ITSN2: variants seen among roughly 807,000 people sequenced by gnomAD.
ITSN2 encodes intersectin 2.
In ITSN2, 156 loss-of-function variants were observed where a neutral mutation model predicts 243.7. The observed-to-expected ratio is 0.64, with a 90% CI of 0.56 to 0.73. ITSN2 has a LOEUF of 0.73. ITSN2 is among the 30% of genes least tolerant of loss of function. The probability of loss-of-function intolerance (pLI) is 0.00; values close to 1 mark genes in which losing one functional copy is unlikely to be tolerated. For missense variants in ITSN2, 1,801 were observed against 1,996.1 expected (o/e 0.90, Z 1.86); for synonymous variants, 703 against 699.9 (o/e 1.00, Z -0.07).
In ITSN2 at chr2:24,313,451, A is replaced by G. The variant is rs1683511812; in HGVS notation, c.188+9T>C. 1.2e-6 allele frequency: 2 copies of G among 1,608,038 alleles called. No homozygotes were observed. Among genetic ancestry groups the G allele is most frequent in the Middle Eastern group, 1.7e-4 (1 of 5,854 alleles). Reference sequence around the variant, plus strand: ...TCAGAAAATTAGGTTCATCTACAAAACACTTTACCATATTTCAGCTAAAAC... The same window carrying G: ...TCAGAAAATTAGGTTCATCTACAAAGCACTTTACCATATTTCAGCTAAAAC... On this transcript the variant is annotated intron_variant, in intron 4 of 39. Coordinates refer to ENST00000355123, the MANE Select transcript of ITSN2 (RefSeq NM_006277.3).
rs1670412279 is a variant in ITSN2, at chr2:24,221,124, A to G, written c.3578-58T>C. The G allele has an allele frequency of 5.2e-6, 8 of 1,545,078 alleles. No homozygotes were observed. In the Admixed American group the frequency reaches 6.1e-5, roughly 12 times the overall value. On this transcript the variant is annotated intron_variant, in intron 29 of 39. Transcript: ENST00000355123. Reference sequence around the variant, plus strand: ...CTTTAGTCAACTTTGTAGAAAATAGACATTTGTCAGCAGATGTGCTGGGTT... The same window carrying G: ...CTTTAGTCAACTTTGTAGAAAATAGGCATTTGTCAGCAGATGTGCTGGGTT...
At chr2:24,295,207 T>G (rs532814630) in intron 14 of ITSN2, among the ~76,000 whole-genome samples, 6 of 152,362 alleles carry the variant, frequency 3.9e-5, no homozygotes, top group African/African-American at 1.2e-4. Flanking sequence ...GTCTATGGAC[T>G]TCCTGATATT....
At position 24,211,066 on chromosome 2, in the gene ITSN2, C is replaced by T. The variant is rs1465061407; in HGVS notation, c.4090-119G>A. On this transcript the variant is annotated intron_variant, in intron 33 of 39. Transcript: ENST00000355123. The surrounding 1 kb of genome is among the most constrained non-coding windows in gnomAD (Gnocchi z 4.1). ...GGACTGCTTCCATGCCCTGGAAACG[C>T]GGCGGTGAACAAGACGACACTTTCC... 12 of 907,778 alleles carry T rather than the reference C, an allele frequency of 1.3e-5. No homozygotes were observed. Among genetic ancestry groups the T allele is most frequent in the South Asian group, 1.2e-4 (7 of 60,254 alleles). The allele number at this position is 907,778 out of a possible 1,614,324, so 56.2% of individuals were successfully genotyped here.
intron 2 of ITSN2, among the ~76,000 whole-genome samples, chr2:24,316,440 A>C (rs1055268540): frequency 5.3e-5 from 8 of 151,820 alleles, no homozygotes; most frequent in Admixed American, 3.3e-4. Context: ...GCCACCACAC[A>C]CCCGGCTAAT....
chr2:24,310,817 T>C, intron 5 of ITSN2, 125 bp from the exon 6 acceptor site: 1 of 744,410 alleles, frequency 1.3e-6, no homozygotes, highest in Non-Finnish European at 2.2e-6. Context: ...GAATTATCCT[T>C]AAAAAACTCA....
intron 1 of ITSN2, among the ~76,000 whole-genome samples, chr2:24,336,374 T>C (rs1686382845): frequency 6.6e-6 from 1 of 152,210 alleles, no homozygotes; most frequent in African/African-American, 2.4e-5. Context: ...CTACTAGTTT[T>C]TTCTTAAAGC....
intron 9 of ITSN2, 98 bp from the exon 10 acceptor site, chr2:24,302,200 T>TA (rs1168318363): frequency 6.3e-6 from 4 of 638,292 alleles, no homozygotes; most frequent in Admixed American, 8.5e-5. Context: ...TTTATTTATT[T>TA]ATTTATTTAT....
chr2:24,206,830 CGGG>C (rs1380343417), intron 37 of ITSN2, among the ~76,000 whole-genome samples: 1 of 152,008 alleles, frequency 6.6e-6, no homozygotes, highest in Non-Finnish European at 1.5e-5. Context: ...CTCAGGACAG[CGGG>C]GGGTCCAGGT....
intron 25 of ITSN2, among the ~76,000 whole-genome samples, chr2:24,250,657 C>A (rs1001993572): frequency 6.6e-6 from 1 of 152,192 alleles, no homozygotes; most frequent in Non-Finnish European, 1.5e-5. Context: ...AAGAACTGTT[C>A]ACCGATAGGG....
At chr2:24,308,139 GTTT>G (rs1324743391) in intron 8 of ITSN2, among the ~76,000 whole-genome samples, 8 of 152,200 alleles carry the variant, frequency 5.3e-5, no homozygotes, top group Non-Finnish European at 1.0e-4. Context: ...GGACTCAAAT[GTTT>G]TACAGTGAAC....
intron 37 of ITSN2, 75 bp from the exon 38 acceptor site, chr2:24,205,372 C>A (rs372223312): frequency 9.6e-6 from 12 of 1,253,288 alleles, no homozygotes; most frequent in African/African-American, 4.4e-5. Flanking sequence ...CCAACCATAA[C>A]ACTACCGGCT....
intron 15 of ITSN2, among the ~76,000 whole-genome samples, chr2:24,287,188 C>CA (rs1333317377): frequency 6.6e-6 from 1 of 151,180 alleles, no homozygotes; most frequent in African/African-American, 2.4e-5. Flanking sequence ...CATTGCTATG[C>CA]AACTTGTTTT....
At position 24,271,840 on chromosome 2, in the gene ITSN2, AT is replaced by A; in HGVS notation, c.2182del (p.Ile728PhefsTer19). 2 of 1,607,306 alleles carry A rather than the reference AT, an allele frequency of 1.2e-6. No homozygotes were observed. The highest frequency in any genetic ancestry group is 1.7e-5 in the Admixed American group (1 of 59,244). ...RLQEEKTQEK[I>X]QEEERKAEEK... ...CTCAGCTTTCCGTTCCTCTTCTTGA[AT>A]TTTTTCTTGTGTTTTTTCTTCCTGG... On this transcript the variant is annotated frameshift_variant, in exon 19 of 40. Coordinates refer to ENST00000355123, the MANE Select transcript of ITSN2 (RefSeq NM_006277.3). LOFTEE classifies it high-confidence loss of function.
At chr2:24,259,469 C>T (rs1444538390) in intron 22 of ITSN2, among the ~76,000 whole-genome samples, 1 of 152,176 alleles carries the variant, frequency 6.6e-6, no homozygotes, top group Non-Finnish European at 1.5e-5. Context: ...AAAACATACA[C>T]AATAACTCCA....
chr2:24,236,865 T>TA (rs1672223016), intron 29 of ITSN2, among the ~76,000 whole-genome samples: 1 of 150,916 alleles, frequency 6.6e-6, no homozygotes, highest in African/African-American at 2.4e-5. Flanking sequence ...TCTTTTATTT[T>TA]TTATTTTTTT....
chr2:24,264,930 C>CAAA (rs151096868), intron 20 of ITSN2, among the ~76,000 whole-genome samples: 1 of 137,086 alleles, frequency 7.3e-6, no homozygotes. Context: ...CAAAAAGAAA[C>CAAA]AAAAAAAAAA....
chr2:24,328,049 T>G lies in ITSN2; in HGVS notation c.31+3A>C. ...ATCTTGCCACAAGCACAAAGCTGCT[T>G]ACCATTCATAGCTGTGGGAAACTGA... On this transcript the variant is annotated splice_donor_region_variant and intron_variant, in intron 2 of 39. Transcript: ENST00000355123. 6.2e-7 allele frequency: 1 copy of G among 1,613,230 alleles called. No homozygotes were observed. Among genetic ancestry groups the G allele is most frequent in the Non-Finnish European group, 8.5e-7 (1 of 1,179,556 alleles).
In ITSN2 at chr2:24,225,825, C is replaced by CT. The variant is rs1558449440; in HGVS notation, c.3578-4760dup. On this transcript the variant is annotated intron_variant, in intron 29 of 39. Transcript: ENST00000355123. The surrounding 1 kb of genome is among the most constrained non-coding windows in gnomAD (Gnocchi z 4.2). ...AACACGTATTTGACCACAGAATCCT[C>CT]TTTTTTTGAGAGGAGGGAGGGTAAC... 6.6e-6 allele frequency among the ~76,000 whole-genome samples: 1 copy of CT among 152,120 alleles called. No individual in the cohort carries two copies. Among genetic ancestry groups the CT allele is most frequent in the African/African-American group, 2.4e-5 (1 of 41,436 alleles).
intron 20 of ITSN2, among the ~76,000 whole-genome samples, chr2:24,266,485 T>C (rs1240635858): frequency 2.6e-5 from 4 of 152,148 alleles, no homozygotes; most frequent in African/African-American, 4.8e-5. Context: ...GAATGAAATA[T>C]TTAGAAAACT....
Sources: gnomAD v4.1 joint callset for allele counts (sites outside exome capture counted in the v4.1 genomes callset) on GRCh38, gnomAD v4.1.1 for gene constraint, Gnocchi (gnomAD v3.1) non-coding constraint, MANE v1.5 for transcripts, NCBI Gene and HGNC (gene_info 2026-07-23, HGNC 2026-07-21) for gene names.